SH3BP4: variants seen among roughly 807,000 people sequenced by gnomAD.
SH3BP4 encodes SH3 domain-binding protein 4.
Under a neutral mutation model 65.5 loss-of-function variants are expected in SH3BP4, and 33 were observed. That is an observed-to-expected ratio of 0.50 (90% CI 0.38 to 0.67). SH3BP4 has a LOEUF of 0.67. Ranked by LOEUF, SH3BP4 falls within the 30% of genes least tolerant of loss-of-function variation. SH3BP4 has a pLI of 0.00. For missense variants in SH3BP4, 1,134 were observed against 1,261.4 expected, an observed-to-expected ratio of 0.90 and a Z score of 1.53; for synonymous variants, 552 against 545.5, an observed-to-expected ratio of 1.01 and a Z score of -0.17.
intron 1 of SH3BP4, among the ~76,000 whole-genome samples, chr2:234,986,407 C>T (rs1693561200): frequency 1.3e-5 from 2 of 152,220 alleles, no homozygotes; most frequent in South Asian, 4.1e-4. Flanking sequence ...CACAAACATT[C>T]GTAGTCTGAT....
chr2:235,028,849 G>A (rs867380768), intron 2 of SH3BP4, among the ~76,000 whole-genome samples: 14 of 152,156 alleles, frequency 9.2e-5, no homozygotes, highest in Admixed American at 4.6e-4. Context: ...CAAAGGCCCC[G>A]TGGTGGGAGG....
At chr2:235,048,510 T>G (rs1695948423) in intron 4 of SH3BP4, among the ~76,000 whole-genome samples, 1 of 151,794 alleles carries the variant, frequency 6.6e-6, no homozygotes, top group Non-Finnish European at 1.5e-5. Flanking sequence ...TTTTTTTTTT[T>G]TTGTCTGTAG....
At position 235,042,439 on chromosome 2, in the gene SH3BP4, A is replaced by G. The variant is rs150639558; in HGVS notation, c.1670A>G (p.Lys557Arg). 33 of 1,614,002 alleles carry G rather than the reference A, an allele frequency of 2.0e-5. No individual in the cohort carries two copies. The highest frequency in any genetic ancestry group is 1.6e-4 in the Middle Eastern group (1 of 6,084). ...NYEVKASEQA[K>R]VVRGFQLKLG... is the part of the protein sequence containing the mutation. ...GAGGTCAAAGCCAGCGAGCAGGCCA[A>G]AGTGGTGCGAGGATTCCAGCTGAAG... The change falls in exon 4 of 6, where the codon AAA becomes AGA. Residue 557 changes from lysine to arginine, a missense_variant. Transcript: ENST00000392011. This position sits in a 1 kb window ranked among gnomAD's most constrained non-coding sequence, Gnocchi z 7.3.
Position 234,998,195 on chromosome 2 carries a change from C to T in SH3BP4, c.-133+2819C>T, listed in dbSNP as rs539590519. On this transcript the variant is annotated intron_variant, in intron 2 of 5. Coordinates refer to ENST00000392011, the MANE Select transcript of SH3BP4 (RefSeq NM_014521.3). Reference sequence around the variant, plus strand: ...CGGCTGCATTTGTGTGTCCCCTAAACCACTCCTCTGTTCCTTTAGCTTAGC... The same window carrying T: ...CGGCTGCATTTGTGTGTCCCCTAAATCACTCCTCTGTTCCTTTAGCTTAGC... Among the ~76,000 whole-genome samples the T allele has an allele frequency of 7.3e-3, 1,109 of 152,264 alleles. 8 individuals carry two copies. The highest frequency in any genetic ancestry group is 0.017 in the Middle Eastern group (5 of 294).
At chr2:235,006,647 A>G (rs1046556080) in intron 2 of SH3BP4, among the ~76,000 whole-genome samples, 7 of 151,994 alleles carry the variant, frequency 4.6e-5, no homozygotes, top group African/African-American at 7.2e-5. Flanking sequence ...CCCAGCCTAG[A>G]TTTCTGCTGG....
At chr2:235,006,285 C>T (rs554340571) in intron 2 of SH3BP4, among the ~76,000 whole-genome samples, 29 of 152,152 alleles carry the variant, frequency 1.9e-4, no homozygotes, top group Non-Finnish European at 3.4e-4. Flanking sequence ...TTGGGCTGAG[C>T]GTGAGTGTGT....
At chr2:234,994,984 C>G in intron 1 of SH3BP4, 1 of 152,390 alleles carries the variant, frequency 6.6e-6, no homozygotes, top group African/African-American at 2.4e-5. Context: ...TTTGTTACCC[C>G]GCGCTAGTCA....
chr2:235,010,393 C>T (rs577774740), intron 2 of SH3BP4, among the ~76,000 whole-genome samples: 5 of 152,330 alleles, frequency 3.3e-5, no homozygotes, highest in Admixed American at 6.5e-5. Flanking sequence ...CTACTCGGTC[C>T]AGCTGTTTGG....
At chr2:234,955,701 G>A (rs1203743720) in intron 1 of SH3BP4, among the ~76,000 whole-genome samples, 4 of 152,160 alleles carry the variant, frequency 2.6e-5, no homozygotes, top group Non-Finnish European at 5.9e-5. Flanking sequence ...ATGGATTTGA[G>A]GAAGTAGAAT....
Position 235,006,286 on chromosome 2 carries a change from G to T in SH3BP4, c.-133+10910G>T, listed in dbSNP as rs550621069. Among the ~76,000 whole-genome samples, 107 of 152,328 alleles carry T rather than the reference G, an allele frequency of 7.0e-4. 2 individuals are homozygous for T. The South Asian group carries it at 0.021, about 30-fold the overall frequency. On this transcript the variant is annotated intron_variant, in intron 2 of 5. Transcript: ENST00000392011. ...CCTGCCCTTTTCCTTTGGGCTGAGC[G>T]TGAGTGTGTTCAGAAAATCTCAGAG...
Position 235,041,904 on chromosome 2 carries a change from G to C in SH3BP4, c.1135G>C (p.Glu379Gln), listed in dbSNP as rs1170682298. The C allele has an allele frequency of 5.6e-6, 9 of 1,613,446 alleles. No individual in the cohort carries two copies. The African/African-American group carries it at 1.2e-4, about 22-fold the overall frequency. The change falls in exon 4 of 6, where the codon GAG (glutamate) becomes CAG (glutamine). Residue 379 changes from glutamate to glutamine, a missense_variant. Coordinates refer to ENST00000392011, the MANE Select transcript of SH3BP4 (RefSeq NM_014521.3). The surrounding 1 kb of genome is among the most constrained non-coding windows in gnomAD (Gnocchi z 6.0). ...DRSCSISPVL[E>Q]VKLSNLEVKT... The stretch of plus-strand genomic sequence containing the variant: ...GTCCTGCAGCATCAGCCCTGTGCTG[G>C]AGGTCAAGCTGAGCAACCTGGAGGT...
rs1695158907 is a variant in SH3BP4 at position 235,030,747 on chromosome 2, A to G, written c.-132-4124A>G. Among the ~76,000 whole-genome samples the G allele has an allele frequency of 6.6e-6, 1 of 152,116 alleles. No individual in the cohort carries two copies. Among genetic ancestry groups the G allele is most frequent in the Non-Finnish European group, 1.5e-5 (1 of 68,010 alleles). On this transcript the variant is annotated intron_variant, in intron 2 of 5. Coordinates refer to ENST00000392011, the MANE Select transcript of SH3BP4 (RefSeq NM_014521.3). This position sits in a 1 kb window ranked among gnomAD's most constrained non-coding sequence, Gnocchi z 4.1. ...CCCTGGGATGCTGGCTGCATTCTCC[A>G]TCCCGTGCCAGCCCCCTGTAGATGC...
chr2:235,031,189 G>C (rs1329393468), intron 2 of SH3BP4, among the ~76,000 whole-genome samples: 1 of 152,266 alleles, frequency 6.6e-6, no homozygotes, highest in East Asian at 1.9e-4. Flanking sequence ...GGCCTGAAAA[G>C]GGGAGAGGGT....
intron 1 of SH3BP4, among the ~76,000 whole-genome samples, chr2:234,958,514 G>A (rs560657262): frequency 6.6e-6 from 1 of 152,160 alleles, no homozygotes; most frequent in East Asian, 1.9e-4. Context: ...TTAGAGTTGG[G>A]CAGTGAGTGT....
intron 2 of SH3BP4, among the ~76,000 whole-genome samples, chr2:235,006,513 G>A (rs1044754857): frequency 6.6e-6 from 1 of 152,180 alleles, no homozygotes; most frequent in Non-Finnish European, 1.5e-5. Flanking sequence ...CTGGCTGCAG[G>A]CGGGACCACA....
chr2:235,028,835 T>G (rs1189703491), intron 2 of SH3BP4, among the ~76,000 whole-genome samples: 1 of 152,068 alleles, frequency 6.6e-6, no homozygotes, highest in Non-Finnish European at 1.5e-5. Flanking sequence ...GAGCACTGCA[T>G]GTGCAAAGGC....
intron 1 of SH3BP4, among the ~76,000 whole-genome samples, chr2:234,971,457 T>C (rs550252660): frequency 2.0e-4 from 31 of 152,396 alleles, no homozygotes; most frequent in African/African-American, 7.2e-4. Context: ...AACCTGGGTG[T>C]GCAGATATCT....
intron 2 of SH3BP4, among the ~76,000 whole-genome samples, chr2:235,010,829 C>A (rs28621062): frequency 0.26 from 18,601 of 72,902 alleles, 743 homozygotes; most frequent in African/African-American, 0.46. Flanking sequence ...ACCCTTCCTC[C>A]CTCTCCTAGG....
rs1693753649 is a variant in SH3BP4, at chr2:234,991,711, G to A, written c.-206-3592G>A. On this transcript the variant is annotated intron_variant, in intron 1 of 5. Transcript: ENST00000392011. The surrounding 1 kb of genome is among the most constrained non-coding windows in gnomAD (Gnocchi z 4.2). Reference sequence around the variant, plus strand: ...TCAGCAAGGCGGTCCTTGTCCAGAGGCCTTGGGCCTCTGGAGAGGTTGATC... The same window carrying A: ...TCAGCAAGGCGGTCCTTGTCCAGAGACCTTGGGCCTCTGGAGAGGTTGATC... Among the ~76,000 whole-genome samples, 1 of 152,234 alleles carries A rather than the reference G, an allele frequency of 6.6e-6. No homozygotes were observed. Among genetic ancestry groups the A allele is most frequent in the Non-Finnish European group, 1.5e-5 (1 of 68,046 alleles).
Sources: allele counts gnomAD v4.1 joint callset (sites outside exome capture counted in the v4.1 genomes callset), GRCh38; gene constraint gnomAD v4.1.1; non-coding constraint Gnocchi (gnomAD v3.1); transcripts MANE v1.5; gene names NCBI Gene and HGNC (gene_info 2026-07-23, HGNC 2026-07-21).